FCRL2: variants seen among roughly 807,000 people sequenced by gnomAD.
FCRL2 encodes Fc receptor-like protein 2.
FCRL2 carries 48 observed loss-of-function variants against 59.8 expected under a neutral mutation model. That is an observed-to-expected ratio of 0.80 (90% CI 0.64 to 1.02). FCRL2 has a LOEUF of 1.02. Among genes scored for constraint, FCRL2 ranks in the 50% least tolerant of loss-of-function variants. The pLI is 0.00. For synonymous variants in FCRL2, 251 were observed against 229.5 expected (o/e 1.09, Z -0.85); for missense variants, 658 against 597.3 (o/e 1.10, Z -1.06).
intron 10 of FCRL2, among the ~76,000 whole-genome samples, chr1:157,747,305 A>G (rs1375754389): frequency 6.6e-6 from 1 of 152,162 alleles, no homozygotes; most frequent in Non-Finnish European, 1.5e-5. Context: ...CAGAAGACAG[A>G]CTCTGAATCA....
In FCRL2 at chr1:157,770,656, G is replaced by C. The variant is rs776044752; in HGVS notation, c.63C>G (p.Thr21=). 1 of 1,613,948 alleles carries C rather than the reference G, an allele frequency of 6.2e-7. No homozygotes were observed. The highest frequency in any genetic ancestry group is 1.1e-5 in the South Asian group (1 of 91,032). The stretch of plus-strand genomic sequence containing the variant: ...CGAAGACAGAAGAGGGCGCCACAAG[G>C]GTCAGCGAATCTGGAAGAGAAGGAG... ...DAVTEQADSL[T]LVAPSSVFEG... is the part of the protein sequence containing the mutation. The change falls in exon 3 of 12, where the codon ACC becomes ACG. Residue 21 remains threonine (T), a synonymous_variant. Transcript: ENST00000361516.
rs1324906019 is a variant in FCRL2 at position 157,746,438 on chromosome 1, C to T, written c.*298G>A. The T allele has an allele frequency of 6.4e-6, 3 of 471,762 alleles. No homozygotes were observed. The highest frequency in any genetic ancestry group is 5.4e-5 in the South Asian group (2 of 37,142). The allele number at this position is 471,762 out of a possible 1,614,324, so 29.2% of individuals were successfully genotyped here. A position where few individuals can be genotyped will look rare whatever the true frequency, so the allele number is the denominator to read the frequency against. On this transcript the variant is annotated 3_prime_UTR_variant, in exon 12 of 12. Coordinates refer to ENST00000361516, the MANE Select transcript of FCRL2 (RefSeq NM_030764.4). ...ACTTCACAGTAGATGAAGGTGAGAC[C>T]TTGTATCTCTTATTCATTCTTCCCT...
In FCRL2 at chr1:157,768,558, T is replaced by C; in HGVS notation, c.739A>G (p.Ser247Gly). 1 of 1,614,228 alleles carries C rather than the reference T, an allele frequency of 6.2e-7. No homozygotes were observed. The highest frequency in any genetic ancestry group is 8.5e-7 in the Non-Finnish European group (1 of 1,180,034). The change falls in exon 5 of 12, where the codon AGT (serine) becomes GGT (glycine). Residue 247 changes from serine to glycine, a missense_variant. Transcript: ENST00000361516. ...FSWYREATGT[S>G]MGKKTQRSLS... ...GAACGCTGGGTTTTCTTTCCCATAC[T>C]GGTTCCTGTGGCCTCTCTGTACCAG... is the stretch of plus-strand genomic sequence containing the variant.
chr1:157,760,689 A>AGG (rs1648970380), intron 7 of FCRL2, among the ~76,000 whole-genome samples: 1 of 136,292 alleles, frequency 7.3e-6, no homozygotes, highest in African/African-American at 3.2e-5. Flanking sequence ...GAAAGAAAGA[A>AGG]AGAAAGAAGG....
At position 157,746,886 on chromosome 1, in the gene FCRL2, T is replaced by C. The variant is rs762906307; in HGVS notation, c.1473A>G (p.Thr491=). 4.3e-6 allele frequency: 7 copies of C among 1,613,920 alleles called. No homozygotes were observed. The South Asian group carries it at 5.5e-5, about 13-fold the overall frequency. The change falls in exon 11 of 12, where the codon ACA becomes ACG. Residue 491 remains threonine, a synonymous_variant. Transcript: ENST00000361516. ...TCTAGCTCACCTTGTTCTCCAGAAG[T>C]GTCCTGATGTTTGCTGTTAAGGAAA... ...QQPESSANIR[T]LLENKDSQVI... is the part of the protein sequence containing the mutation.
At chr1:157,758,922 A>G (rs1258199237) in intron 7 of FCRL2, among the ~76,000 whole-genome samples, 2 of 152,178 alleles carry the variant, frequency 1.3e-5, no homozygotes, top group African/African-American at 4.8e-5. Flanking sequence ...ATATACAAAA[A>G]TCAACTCAAG....
intron 4 of FCRL2, chr1:157,768,919 G>A: frequency 2.0e-6 from 1 of 507,584 alleles, no homozygotes; most frequent in South Asian, 3.3e-5. Context: ...TTCATGGGTA[G>A]TAATATTTAA....
At chr1:157,767,781 CT>C (rs957466682) in intron 5 of FCRL2, 8 of 1,168,456 alleles carry the variant, frequency 6.8e-6, no homozygotes, top group Admixed American at 3.2e-5. Flanking sequence ...CTTCATATTT[CT>C]TTTTTTTCTT....
chr1:157,774,788 C>G (rs899835397), intron 2 of FCRL2, among the ~76,000 whole-genome samples: 1 of 152,144 alleles, frequency 6.6e-6, no homozygotes, highest in South Asian at 2.1e-4. Context: ...CCCTGAATGT[C>G]TCCCTGGACA....
chr1:157,766,132 C>A (rs771948567), intron 7 of FCRL2, among the ~76,000 whole-genome samples: 1 of 151,986 alleles, frequency 6.6e-6, no homozygotes, highest in Non-Finnish European at 1.5e-5. Flanking sequence ...AAAAAGGTGG[C>A]TAAAAAGAAA....
chr1:157,767,577 TGCAGGCTCA>T lies in FCRL2; in HGVS notation c.884-77_884-69del, dbSNP rs763606335. 3 of 1,614,238 alleles carry T rather than the reference TGCAGGCTCA, an allele frequency of 1.9e-6. No individual in the cohort carries two copies. The Middle Eastern group carries it at 4.9e-4, about 266-fold the overall frequency. On this transcript the variant is annotated intron_variant, in intron 5 of 11. Transcript: ENST00000361516. ...TCAATAGATTCACAAACTCCCAACCTGCAGGCTCAGCAAAGGGCCTGGCCCCATGGCTGT... is the reference window on the plus strand; with the variant it reads ...TCAATAGATTCACAAACTCCCAACCTGCAAAGGGCCTGGCCCCATGGCTGT...
At chr1:157,753,760 G>A (rs779212025) in intron 7 of FCRL2, among the ~76,000 whole-genome samples, 18 of 152,098 alleles carry the variant, frequency 1.2e-4, no homozygotes, top group Non-Finnish European at 2.2e-4. Flanking sequence ...CACAAGGTTG[G>A]TGTTTCTGAA....
rs542868992 is a variant in FCRL2 at position 157,751,890 on chromosome 1, C to CAACCAGCA, written c.1280-2214_1280-2213insTGCTGGTT. On this transcript the variant is annotated intron_variant, in intron 7 of 11. Transcript: ENST00000361516. ...CCCCCAAAATAGGAGCTGATTTTCTCAACCGAGCAAACCTGGAGAGTCAGC... is the reference window on the plus strand; with the variant it reads ...CCCCCAAAATAGGAGCTGATTTTCTCAACCAGCAAACCGAGCAAACCTGGAGAGTCAGC... Among the ~76,000 whole-genome samples, 641 of 152,320 alleles carry CAACCAGCA rather than the reference C, an allele frequency of 4.2e-3. 3 individuals carry two copies. Among genetic ancestry groups the CAACCAGCA allele is most frequent in the African/African-American group, 0.013 (535 of 41,580 alleles).
intron 5 of FCRL2, 131 bp downstream of exon 5, chr1:157,768,283 C>T (rs1649681329): frequency 1.2e-5 from 10 of 868,612 alleles, no homozygotes; most frequent in South Asian, 1.7e-5. Flanking sequence ...GCAAGCGTAA[C>T]CCATTTTCAA....
chr1:157,763,969 G>T (rs765551275), intron 7 of FCRL2, among the ~76,000 whole-genome samples: 1 of 149,992 alleles, frequency 6.7e-6, no homozygotes, highest in Non-Finnish European at 1.5e-5. Flanking sequence ...GGCTGAACTC[G>T]CAGTGAGCCG....
At chr1:157,758,680 CAA>C (rs59716565) in intron 7 of FCRL2, among the ~76,000 whole-genome samples, 20 of 55,398 alleles carry the variant, frequency 3.6e-4, no homozygotes, top group African/African-American at 1.2e-3. Context: ...CAGTCCCAAG[CAA>C]AAAAAAAAAA....
At chr1:157,763,854 C>A (rs1164752229) in intron 7 of FCRL2, among the ~76,000 whole-genome samples, 2 of 152,002 alleles carry the variant, frequency 1.3e-5, no homozygotes, top group Non-Finnish European at 2.9e-5. Context: ...CATGGTGAAA[C>A]CCCGTCTCTA....
In FCRL2 at chr1:157,767,553, C is replaced by T. The variant is rs373062585; in HGVS notation, c.884-44G>A. ...CTATCAGAAAAGATTTGTGATGCCT[C>T]AATAGATTCACAAACTCCCAACCTG... On this transcript the variant is annotated intron_variant, in intron 5 of 11. Transcript: ENST00000361516. 9 of 1,614,222 alleles carry T rather than the reference C, an allele frequency of 5.6e-6. No homozygotes were observed. In the East Asian group the frequency reaches 1.3e-4, roughly 24 times the overall value.
At chr1:157,756,472 C>A (rs1648596668) in intron 7 of FCRL2, among the ~76,000 whole-genome samples, 1 of 152,038 alleles carries the variant, frequency 6.6e-6, no homozygotes, top group South Asian at 2.1e-4. Context: ...CGCTTGAGCC[C>A]AGGAGTTCAA....
Sources: allele counts gnomAD v4.1 joint callset (sites outside exome capture counted in the v4.1 genomes callset), GRCh38; gene constraint gnomAD v4.1.1; transcripts MANE v1.5; gene names NCBI Gene and HGNC (gene_info 2026-07-23, HGNC 2026-07-21).